The following ITGBL1 variants were observed in gnomAD, a reference collection of about 807,000 sequenced individuals.
ITGBL1 encodes the protein integrin beta-like protein 1.
ITGBL1 carries 51 observed loss-of-function variants against 68.5 expected under a neutral mutation model. That is an observed-to-expected ratio of 0.74 (90% CI 0.59 to 0.94). ITGBL1 has a LOEUF of 0.94. Ranked by LOEUF, ITGBL1 falls within the 40% of genes least tolerant of loss-of-function variation. The probability of loss-of-function intolerance (pLI) is 0.00; values close to 1 mark genes in which losing one functional copy is unlikely to be tolerated. For synonymous variants in ITGBL1, 209 were observed against 227.3 expected (o/e 0.92, Z 0.72); for missense variants, 649 against 647.4 (o/e 1.00, Z -0.03).
chr13:101,701,457 C>T (rs998626376), intron 8 of ITGBL1, among the ~76,000 whole-genome samples: 27 of 151,948 alleles, frequency 1.8e-4, no homozygotes, highest in Admixed American at 1.7e-3. Context: ...GGCTTGAACC[C>T]GGGAGTCGGA....
chr13:101,662,723 T>A (rs1406886644), intron 7 of ITGBL1, among the ~76,000 whole-genome samples: 1 of 152,056 alleles, frequency 6.6e-6, no homozygotes, highest in Non-Finnish European at 1.5e-5. Context: ...ATTTATTTGA[T>A]CACCGTTCAG....
chr13:101,607,078 C>T (rs1234849744), intron 7 of ITGBL1, among the ~76,000 whole-genome samples: 2 of 151,624 alleles, frequency 1.3e-5, no homozygotes, highest in Non-Finnish European at 2.9e-5. Flanking sequence ...AAAAACCATG[C>T]ATATATTTTA....
intron 6 of ITGBL1, among the ~76,000 whole-genome samples, chr13:101,584,159 G>C (rs201540062): frequency 2.6e-5 from 4 of 152,186 alleles, no homozygotes; most frequent in East Asian, 1.9e-4. Context: ...GGCAGATACT[G>C]TCTGTTAGGG....
At chr13:101,509,262 G>A (rs1278321739) in intron 2 of ITGBL1, among the ~76,000 whole-genome samples, 1 of 152,022 alleles carries the variant, frequency 6.6e-6, no homozygotes, top group African/African-American at 2.4e-5. Context: ...ACGATCATCA[G>A]AATAGCACAG....
At position 101,578,696 on chromosome 13, in the gene ITGBL1, G is replaced by A. The variant is rs142675147; in HGVS notation, c.587-591G>A. Among the ~76,000 whole-genome samples, 345 of 152,288 alleles carry A rather than the reference G, an allele frequency of 2.3e-3. 1 individual carries two copies. The highest frequency in any genetic ancestry group is 7.6e-3 in the African/African-American group (315 of 41,556). On this transcript the variant is annotated intron_variant, in intron 4 of 10. Transcript: ENST00000376180. ...ACAAGTAGAAAGGGAATTTGATTGC[G>A]TGGCCAAGGGCCCATGGTATTTTGT...
At chr13:101,712,449 A>G (rs1309419815) in intron 9 of ITGBL1, 1 of 152,202 alleles carries the variant, frequency 6.6e-6, no homozygotes, top group Non-Finnish European at 1.5e-5. Flanking sequence ...CAGAAGCAAG[A>G]GCAGTGATTA....
At chr13:101,632,339 TA>T (rs1448744838) in intron 7 of ITGBL1, among the ~76,000 whole-genome samples, 1 of 152,096 alleles carries the variant, frequency 6.6e-6, no homozygotes, top group Non-Finnish European at 1.5e-5. Context: ...AAATATAAAT[TA>T]AAACCCCAAT....
Position 101,552,111 on chromosome 13 carries a change from A to C in ITGBL1, c.317-15588A>C, listed in dbSNP as rs145259123. On this transcript the variant is annotated intron_variant, in intron 2 of 10. Transcript: ENST00000376180. ...GCTGTGCATACTGGCCACTCTAGCA[A>C]CCTTTCCTTAACTGCATACCTGAGT... Among the ~76,000 whole-genome samples the C allele has an allele frequency of 3.5e-3, 533 of 152,270 alleles. 3 individuals carry two copies. The highest frequency in any genetic ancestry group is 0.014 in the Middle Eastern group (4 of 294).
chr13:101,647,582 G>A (rs1217946645), intron 7 of ITGBL1, among the ~76,000 whole-genome samples: 1 of 152,222 alleles, frequency 6.6e-6, no homozygotes, highest in East Asian at 1.9e-4. Context: ...TGATTTGGGT[G>A]TGCAATTCTT....
At chr13:101,715,344 C>T (rs1021325473) in intron 10 of ITGBL1, 102 of 514,508 alleles carry the variant, frequency 2.0e-4, no homozygotes, top group Non-Finnish European at 2.9e-4. Context: ...ACTATCTGAT[C>T]GGTAAAGGGT....
intron 7 of ITGBL1, among the ~76,000 whole-genome samples, chr13:101,691,785 T>C (rs1226739547): frequency 2.0e-5 from 3 of 152,218 alleles, no homozygotes; most frequent in Non-Finnish European, 2.9e-5. Flanking sequence ...TGGTTCACCA[T>C]TGGAAAGTTA....
chr13:101,583,411 G>T, intron 6 of ITGBL1, 55 bp downstream of exon 6: 1 of 1,275,908 alleles, frequency 7.8e-7, no homozygotes, highest in Non-Finnish European at 1.0e-6. Context: ...GCTTGTTAAT[G>T]GGTAAAAAAA....
intron 7 of ITGBL1, among the ~76,000 whole-genome samples, chr13:101,649,387 C>G (rs540884192): frequency 7.2e-5 from 11 of 152,120 alleles, no homozygotes; most frequent in African/African-American, 2.7e-4. Context: ...TTAAATATTT[C>G]CTTTTCTACT....
chr13:101,678,543 A>C (rs2033562410), intron 7 of ITGBL1, among the ~76,000 whole-genome samples: 1 of 147,208 alleles, frequency 6.8e-6, no homozygotes, highest in African/African-American at 2.5e-5. Flanking sequence ...TCTGTCACCT[A>C]GGCTGGAGTG....
chr13:101,530,265 A>C (rs962074168), intron 2 of ITGBL1, among the ~76,000 whole-genome samples: 7 of 151,914 alleles, frequency 4.6e-5, no homozygotes, highest in African/African-American at 9.7e-5. Context: ...AGAGAGAGAG[A>C]GCGCGAGGGG....
chr13:101,663,940 C>T (rs1365356377), intron 7 of ITGBL1, among the ~76,000 whole-genome samples: 1 of 151,850 alleles, frequency 6.6e-6, no homozygotes, highest in Non-Finnish European at 1.5e-5. Flanking sequence ...TTAAAATGTT[C>T]TCTCTCTCTC....
chr13:101,522,663 T>G (rs2049305224), intron 2 of ITGBL1, among the ~76,000 whole-genome samples: 1 of 152,222 alleles, frequency 6.6e-6, no homozygotes, highest in African/African-American at 2.4e-5. Context: ...CAGTACATAT[T>G]TACTGAGTGT....
chr13:101,640,895 A>C (rs192400795), intron 7 of ITGBL1, among the ~76,000 whole-genome samples: 72 of 152,308 alleles, frequency 4.7e-4, no homozygotes, highest in African/African-American at 1.6e-3. Flanking sequence ...TAGCATGTCA[A>C]GTACTCCAGT....
At chr13:101,689,664 G>A (rs564803763) in intron 7 of ITGBL1, among the ~76,000 whole-genome samples, 2 of 152,018 alleles carry the variant, frequency 1.3e-5, no homozygotes, top group East Asian at 3.9e-4. Context: ...TTACCTCTCT[G>A]TCTGCAATAA....
Sources: allele counts gnomAD v4.1 joint callset (sites outside exome capture counted in the v4.1 genomes callset), GRCh38; gene constraint gnomAD v4.1.1; transcripts MANE v1.5; gene names NCBI Gene and HGNC (gene_info 2026-07-23, HGNC 2026-07-21).